SLIT1: variants seen among roughly 807,000 people sequenced by gnomAD.
SLIT1 encodes the protein slit guidance ligand 1.
Under a neutral mutation model 186.1 loss-of-function variants are expected in SLIT1, and 66 were observed. The observed-to-expected ratio is 0.35, with a 90% CI of 0.29 to 0.44. The LOEUF is 0.44. Among genes scored for constraint, SLIT1 ranks in the 20% least tolerant of loss-of-function variants. SLIT1 has a pLI of 1.00. For synonymous variants in SLIT1, 761 were observed against 833.8 expected (o/e 0.91, Z 1.50); for missense variants, 1,638 against 2,037.4 (o/e 0.80, Z 3.77).
At chr10:97,080,067 G>A (rs1351209709) in intron 4 of SLIT1, among the ~76,000 whole-genome samples, 1 of 152,156 alleles carries the variant, frequency 6.6e-6, no homozygotes, top group Non-Finnish European at 1.5e-5. Context: ...ACAGAAATAG[G>A]TAGAAATATC....
At chr10:97,058,476 C>T (rs896358315) in intron 11 of SLIT1, among the ~76,000 whole-genome samples, 2 of 152,208 alleles carry the variant, frequency 1.3e-5, no homozygotes, top group African/African-American at 2.4e-5. Flanking sequence ...GGCAGGCCAC[C>T]TTCAGAATCT....
Position 97,021,466 on chromosome 10 carries a change from C to G in SLIT1, c.2583-53G>C. 6.5e-7 allele frequency: 1 copy of G among 1,546,804 alleles called. No individual in the cohort carries two copies. The highest frequency in any genetic ancestry group is 1.8e-5 in the Admixed American group (1 of 55,048). ...ATTACAGCTTCATGGGGTCCCTCGCCCACTGGGAACCTAGAGTCCCAGGCA... is the reference window on the plus strand; with the variant it reads ...ATTACAGCTTCATGGGGTCCCTCGCGCACTGGGAACCTAGAGTCCCAGGCA... On this transcript the variant is annotated intron_variant, in intron 25 of 36. Transcript: ENST00000266058. This position sits in a 1 kb window ranked among gnomAD's most constrained non-coding sequence, Gnocchi z 4.5.
At chr10:97,056,586 G>T in intron 12 of SLIT1, 122 bp from the exon 13 acceptor site, 1 of 1,079,204 alleles carries the variant, frequency 9.3e-7, no homozygotes, top group Non-Finnish European at 1.3e-6. Flanking sequence ...ATCGGAGCAG[G>T]CCCAGGGAAT....
At chr10:97,166,978 C>T (rs910578529) in intron 1 of SLIT1, among the ~76,000 whole-genome samples, 11 of 152,282 alleles carry the variant, frequency 7.2e-5, no homozygotes, top group South Asian at 2.1e-4. Context: ...CAACATTCAA[C>T]GCATCCTCCC....
intron 4 of SLIT1, among the ~76,000 whole-genome samples, chr10:97,085,912 G>T (rs1849154730): frequency 6.6e-6 from 1 of 152,156 alleles, no homozygotes; most frequent in Non-Finnish European, 1.5e-5. Flanking sequence ...TAACAAACAG[G>T]TCCTTCACCA....
intron 4 of SLIT1, among the ~76,000 whole-genome samples, chr10:97,138,468 G>A (rs1010414954): frequency 2.0e-5 from 3 of 152,198 alleles, no homozygotes; most frequent in Non-Finnish European, 2.9e-5. Context: ...AGTTGTCCAC[G>A]GCCTTCCCTT....
rs1308639726 is a variant in SLIT1 at position 97,046,983 on chromosome 10, T to C, written c.1709+8A>G. ...CAACAGACACCTTCTCGCCAATGGG[T>C]AACTCACATTTTCTTCAGATGTGTA... On this transcript the variant is annotated splice_region_variant and intron_variant, in intron 17 of 36. Coordinates refer to ENST00000266058, the MANE Select transcript of SLIT1 (RefSeq NM_003061.3). The C allele has an allele frequency of 1.9e-6, 3 of 1,603,764 alleles. No homozygotes were observed. The highest frequency in any genetic ancestry group is 1.3e-5 in the African/African-American group (1 of 74,728).
chr10:97,126,349 C>T (rs1849603598), intron 4 of SLIT1, among the ~76,000 whole-genome samples: 1 of 152,210 alleles, frequency 6.6e-6, no homozygotes, highest in Admixed American at 6.5e-5. Context: ...GAATCGGATG[C>T]AGCGCCCACT....
intron 4 of SLIT1, among the ~76,000 whole-genome samples, chr10:97,106,012 GT>G (rs1207639261): frequency 1.3e-5 from 2 of 152,170 alleles, no homozygotes; most frequent in African/African-American, 4.8e-5. Flanking sequence ...ACCGGTTTTT[GT>G]TTTGTTTTGT....
At chr10:97,180,681 T>A (rs939207055) in intron 1 of SLIT1, among the ~76,000 whole-genome samples, 11 of 152,158 alleles carry the variant, frequency 7.2e-5, no homozygotes, top group African/African-American at 2.7e-4. Flanking sequence ...CCGCCCTGCA[T>A]ACAGTCCCCA....
chr10:97,006,735 C>A lies in SLIT1; in HGVS notation c.3342-15G>T. On this transcript the variant is annotated splice_polypyrimidine_tract_variant and intron_variant, in intron 31 of 36. Coordinates refer to ENST00000266058, the MANE Select transcript of SLIT1 (RefSeq NM_003061.3). The surrounding 1 kb of genome is among the most constrained non-coding windows in gnomAD (Gnocchi z 4.0). ...AGAGCTGTCCACTGAGAGGAAAGGA[C>A]ATAAGTCAGAGAGGGCCAAGGAGGA... 6.3e-7 allele frequency: 1 copy of A among 1,593,378 alleles called. No homozygotes were observed.
intron 9 of SLIT1, among the ~76,000 whole-genome samples, chr10:97,060,415 C>T (rs1006607133): frequency 6.6e-6 from 1 of 152,252 alleles, no homozygotes; most frequent in East Asian, 1.9e-4. Flanking sequence ...AGCAGACTCA[C>T]GCAGCTGGGT....
Position 97,049,004 on chromosome 10 carries a change from G to A in SLIT1, c.1416C>T (p.Leu472=), listed in dbSNP as rs1188277639. The A allele has an allele frequency of 8.7e-6, 14 of 1,610,982 alleles. No homozygotes were observed. The highest frequency in any genetic ancestry group is 2.2e-5 in the East Asian group (1 of 44,882). The part of the protein sequence containing the change: ...SGARCASPRR[L]ANKRIGQIKS... ...TGATCTGCCCGATGCGCTTGTTGGCGAGGCGCCGGGGACTGGCACAGCGGG... is the reference window on the plus strand; with the variant it reads ...TGATCTGCCCGATGCGCTTGTTGGCAAGGCGCCGGGGACTGGCACAGCGGG... Residue 472 remains leucine (L), a synonymous_variant, in exon 14 of 37, where the codon CTC becomes CTT. Transcript: ENST00000266058.
chr10:97,170,919 G>C (rs1295040365), intron 1 of SLIT1, among the ~76,000 whole-genome samples: 3 of 152,080 alleles, frequency 2.0e-5, no homozygotes, highest in Admixed American at 6.6e-5. Flanking sequence ...GGGCTGTTCT[G>C]GGGGCTCCTG....
chr10:97,112,713 T>C (rs1215153722), intron 4 of SLIT1, among the ~76,000 whole-genome samples: 1 of 152,186 alleles, frequency 6.6e-6, no homozygotes, highest in African/African-American at 2.4e-5. Context: ...TTTTGTTTTG[T>C]TTTTTTGAGG....
Position 97,004,833 on chromosome 10 carries a change from A to ACGT in SLIT1, c.3580-11_3580-10insACG. ...CCTCTGCCGTGGAGACCTGATGGGC[A>ACGT]GTGGCACTTTCTCTCCCACCCCACC... is the stretch of plus-strand genomic sequence containing the variant. On this transcript the variant is annotated splice_polypyrimidine_tract_variant and intron_variant, in intron 32 of 36. Transcript: ENST00000266058. The surrounding 1 kb of genome is among the most constrained non-coding windows in gnomAD (Gnocchi z 5.1). 1 of 1,614,094 alleles carries ACGT rather than the reference A, an allele frequency of 6.2e-7. No homozygotes were observed. Among genetic ancestry groups the ACGT allele is most frequent in the Non-Finnish European group, 8.5e-7 (1 of 1,179,966 alleles).
chr10:97,028,271 T>C (rs1352879236), intron 25 of SLIT1, among the ~76,000 whole-genome samples: 1 of 152,212 alleles, frequency 6.6e-6, no homozygotes, highest in Non-Finnish European at 1.5e-5. Context: ...GGCTCACTCC[T>C]GCCTCCTCCC....
intron 26 of SLIT1, 78 bp from the exon 27 acceptor site, chr10:97,019,185 G>A: frequency 1.1e-6 from 1 of 918,042 alleles, no homozygotes. Flanking sequence ...TCAACCCCGA[G>A]GAGCCCATGT....
chr10:97,129,103 G>A (rs902668843), intron 4 of SLIT1, among the ~76,000 whole-genome samples: 5 of 152,072 alleles, frequency 3.3e-5, no homozygotes, highest in East Asian at 1.9e-4. Flanking sequence ...TTTCACTTAC[G>A]TTAAAGAAGC....
Sources: allele counts gnomAD v4.1 joint callset (sites outside exome capture counted in the v4.1 genomes callset), GRCh38; gene constraint gnomAD v4.1.1; non-coding constraint Gnocchi (gnomAD v3.1); transcripts MANE v1.5; gene names NCBI Gene and HGNC (gene_info 2026-07-23, HGNC 2026-07-21).